RAP1A: variants seen among roughly 807,000 people sequenced by gnomAD.
RAP1A encodes the protein RAP1A, member of RAS oncogene family.
RAP1A carries 6 observed loss-of-function variants against 26.4 expected under a neutral mutation model. That is an observed-to-expected ratio of 0.23 (90% CI 0.12 to 0.45). The LOEUF is 0.45. Ranked by LOEUF, RAP1A falls within the 20% of genes least tolerant of loss-of-function variation. The pLI, the probability that RAP1A is intolerant of heterozygous loss-of-function variation, is 0.99. For missense variants in RAP1A, 121 were observed against 217.2 expected, an observed-to-expected ratio of 0.56 and a Z score of 2.78; for synonymous variants, 73 against 79.4, an observed-to-expected ratio of 0.92 and a Z score of 0.43.
chr1:111,575,013 T>TA (rs1338550745), intron 1 of RAP1A, among the ~76,000 whole-genome samples: 2 of 152,378 alleles, frequency 1.3e-5, no homozygotes, highest in Admixed American at 1.3e-4. Context: ...CTCTATCACT[T>TA]ACTACAATGC....
At chr1:111,630,613 G>A (rs1469114674) in intron 1 of RAP1A, among the ~76,000 whole-genome samples, 1 of 152,166 alleles carries the variant, frequency 6.6e-6, no homozygotes, top group African/African-American at 2.4e-5. Context: ...GAGTGTTGTG[G>A]AAAAGCTCGC....
chr1:111,648,010 T>C (rs1660126050), intron 1 of RAP1A, among the ~76,000 whole-genome samples: 1 of 152,182 alleles, frequency 6.6e-6, no homozygotes, highest in Non-Finnish European at 1.5e-5. Flanking sequence ...GTTTAACATT[T>C]CTTAGTTCAA....
At chr1:111,546,917 A>G (rs1296531004) in intron 1 of RAP1A, among the ~76,000 whole-genome samples, 1 of 152,086 alleles carries the variant, frequency 6.6e-6, no homozygotes, top group Non-Finnish European at 1.5e-5. Context: ...ATTTCTCCAT[A>G]TCGTCACCAA....
At chr1:111,609,456 T>G (rs573970213) in intron 1 of RAP1A, among the ~76,000 whole-genome samples, 1 of 152,192 alleles carries the variant, frequency 6.6e-6, no homozygotes, top group Non-Finnish European at 1.5e-5. Context: ...ATTCAAGATT[T>G]CTTAACCCTT....
intron 1 of RAP1A, among the ~76,000 whole-genome samples, chr1:111,605,701 G>C (rs1191756145): frequency 6.6e-6 from 1 of 152,174 alleles, no homozygotes; most frequent in African/African-American, 2.4e-5. Flanking sequence ...CTTGGCCTAA[G>C]AACAAAGAAA....
At chr1:111,598,904 A>G (rs1318936549) in intron 1 of RAP1A, among the ~76,000 whole-genome samples, 1 of 152,142 alleles carries the variant, frequency 6.6e-6, no homozygotes, top group Non-Finnish European at 1.5e-5. Flanking sequence ...ACTGACTTCA[A>G]GTTGGGATTC....
intron 1 of RAP1A, among the ~76,000 whole-genome samples, chr1:111,631,605 C>T (rs973626283): frequency 1.3e-5 from 2 of 152,078 alleles, no homozygotes; most frequent in Non-Finnish European, 2.9e-5. Context: ...GGGACTTTTG[C>T]AATACAAAGC....
At chr1:111,606,646 A>C (rs896384730) in intron 1 of RAP1A, among the ~76,000 whole-genome samples, 7 of 152,098 alleles carry the variant, frequency 4.6e-5, no homozygotes, top group African/African-American at 1.7e-4. Context: ...CCACACTCCT[A>C]CTGGAGCAGA....
At chr1:111,623,169 C>G (rs1041145966) in intron 1 of RAP1A, among the ~76,000 whole-genome samples, 33 of 132,424 alleles carry the variant, frequency 2.5e-4, no homozygotes, top group African/African-American at 9.7e-4. Context: ...AGGTACCCAC[C>G]ACCACGCCCA....
At chr1:111,652,223 C>T (rs1660297770) in intron 1 of RAP1A, among the ~76,000 whole-genome samples, 1 of 152,206 alleles carries the variant, frequency 6.6e-6, no homozygotes, top group Non-Finnish European at 1.5e-5. Flanking sequence ...ATCCACCCAC[C>T]TTAGCCTCGC....
At chr1:111,679,112 G>A (rs1485216764) in intron 1 of RAP1A, among the ~76,000 whole-genome samples, 1 of 152,196 alleles carries the variant, frequency 6.6e-6, no homozygotes, top group Non-Finnish European at 1.5e-5. Flanking sequence ...TGGCCGAATA[G>A]GAACAGCTCC....
chr1:111,569,723 G>A (rs1472953901), intron 1 of RAP1A, among the ~76,000 whole-genome samples: 1 of 152,026 alleles, frequency 6.6e-6, no homozygotes, highest in Non-Finnish European at 1.5e-5. Context: ...AAGATGGGGA[G>A]GTACCTTTGG....
At chr1:111,672,193 CT>C (rs1473322594) in intron 1 of RAP1A, among the ~76,000 whole-genome samples, 1 of 152,130 alleles carries the variant, frequency 6.6e-6, no homozygotes, top group Non-Finnish European at 1.5e-5. Context: ...CTGTTAAATT[CT>C]ATTCATGATT....
At chr1:111,689,783 C>T (rs1661612900) in intron 1 of RAP1A, among the ~76,000 whole-genome samples, 1 of 152,146 alleles carries the variant, frequency 6.6e-6, no homozygotes, top group Non-Finnish European at 1.5e-5. Context: ...CGTTCTCCTG[C>T]CTCAGCCTCC....
At chr1:111,559,503 G>C (rs1293377565) in intron 1 of RAP1A, among the ~76,000 whole-genome samples, 2 of 152,092 alleles carry the variant, frequency 1.3e-5, no homozygotes, top group Admixed American at 1.3e-4. Flanking sequence ...GTACCCAGCT[G>C]TGTGTCTTTA....
intron 1 of RAP1A, among the ~76,000 whole-genome samples, chr1:111,589,415 A>G (rs961592359): frequency 1.3e-5 from 2 of 152,332 alleles, no homozygotes; most frequent in African/African-American, 2.4e-5. Flanking sequence ...TTCTGACTCT[A>G]TAAGATAATA....
intron 7 of RAP1A, among the ~76,000 whole-genome samples, chr1:111,711,716 A>G (rs938650579): frequency 2.0e-5 from 3 of 152,224 alleles, no homozygotes; most frequent in Non-Finnish European, 4.4e-5. Context: ...TTAAATAGAA[A>G]TTATAAACGT....
Position 111,619,812 on chromosome 1 carries a change from CGCCGCCGCTCCCGCTGCT to C in RAP1A, c.-148_-131del, listed in dbSNP as rs1659119613. ...CCGCCGCCGCTCCCGAGGCCCCTGC[CGCCGCCGCTCCCGCTGCT>C]GTCGCCGCGCAGAGCCGGAGCAGGA... On this transcript the variant is annotated 5_prime_UTR_variant, in exon 1 of 8. Coordinates refer to ENST00000369709, the MANE Select transcript of RAP1A (RefSeq NM_002884.4). 1 of 399,276 alleles carries C rather than the reference CGCCGCCGCTCCCGCTGCT, an allele frequency of 2.5e-6. No homozygotes were observed. The highest frequency in any genetic ancestry group is 4.4e-6 in the Non-Finnish European group (1 of 226,976). 24.7% of individuals were successfully genotyped at this position (399,276 alleles called of 1,614,324 possible).
At chr1:111,634,374 G>A (rs1009198461) in intron 1 of RAP1A, among the ~76,000 whole-genome samples, 5 of 151,460 alleles carry the variant, frequency 3.3e-5, no homozygotes, top group African/African-American at 4.8e-5. Context: ...TTGTTACATT[G>A]GTAAATGCAG....
Sources: allele counts gnomAD v4.1 joint callset (sites outside exome capture counted in the v4.1 genomes callset), GRCh38; gene constraint gnomAD v4.1.1; transcripts MANE v1.5; gene names NCBI Gene and HGNC (gene_info 2026-07-23, HGNC 2026-07-21).